PLPPR5: variants seen among roughly 807,000 people sequenced by gnomAD.
PLPPR5 encodes phospholipid phosphatase related 5.
Under a neutral mutation model 33.9 loss-of-function variants are expected in PLPPR5, and 16 were observed. The observed-to-expected ratio is 0.47, with a 90% CI of 0.32 to 0.72. The LOEUF (loss-of-function observed/expected upper bound fraction) is 0.72, where lower values mean the gene tolerates loss of function less well. Ranked by LOEUF, PLPPR5 falls within the 30% of genes least tolerant of loss-of-function variation. PLPPR5 has a pLI of 0.03. For missense variants in PLPPR5, 301 were observed against 406.7 expected, an observed-to-expected ratio of 0.74 and a Z score of 2.23; for synonymous variants, 163 against 150.3, an observed-to-expected ratio of 1.08 and a Z score of -0.62.
chr1:98,998,516 G>A (rs116762691), intron 1 of PLPPR5, among the ~76,000 whole-genome samples: 6 of 152,076 alleles, frequency 3.9e-5, no homozygotes, highest in African/African-American at 9.7e-5. Context: ...CATCATCTAC[G>A]ATAGAACACG....
At chr1:98,960,574 CTTCTGAG>C (rs957124154) in intron 1 of PLPPR5, among the ~76,000 whole-genome samples, 13 of 151,988 alleles carry the variant, frequency 8.6e-5, no homozygotes, top group Admixed American at 8.5e-4. Flanking sequence ...ATGTAAATGC[CTTCTGAG>C]TTAAGGGCAC....
intron 1 of PLPPR5, among the ~76,000 whole-genome samples, chr1:98,985,385 G>T (rs572164909): frequency 6.6e-6 from 1 of 152,150 alleles, no homozygotes; most frequent in African/African-American, 2.4e-5. Context: ...CTACACAGAT[G>T]ACTGCGGTTT....
intron 4 of PLPPR5, among the ~76,000 whole-genome samples, chr1:98,920,119 C>T (rs1649490131): frequency 6.6e-6 from 1 of 152,048 alleles, no homozygotes; most frequent in African/African-American, 2.4e-5. Context: ...GTCTTGAGCT[C>T]AAGGGGGATC....
chr1:98,920,819 A>G (rs1649525131), intron 4 of PLPPR5, among the ~76,000 whole-genome samples: 1 of 152,150 alleles, frequency 6.6e-6, no homozygotes, highest in African/African-American at 2.4e-5. Context: ...ATCAAAATGG[A>G]CATAAAGTAT....
chr1:98,895,162 A>C (rs1648425805), intron 5 of PLPPR5, among the ~76,000 whole-genome samples: 1 of 152,010 alleles, frequency 6.6e-6, no homozygotes. Context: ...GCCTAATGGG[A>C]GGTGATTAGA....
At chr1:98,981,114 C>T (rs560563154) in intron 1 of PLPPR5, among the ~76,000 whole-genome samples, 2 of 152,106 alleles carry the variant, frequency 1.3e-5, no homozygotes, top group South Asian at 4.1e-4. Context: ...TATATTTTTT[C>T]TCTTTAGTTT....
Position 98,921,884 on chromosome 1 carries a change from G to A in PLPPR5, c.796C>T (p.Leu266=), listed in dbSNP as rs1173106936. The change falls in exon 4 of 6, where the codon CTG becomes TTG. Residue 266 remains leucine, a splice_region_variant and synonymous_variant. Transcript: ENST00000263177. ...TATATAAATAAATTTGTACTTACCA[G>A]AAATACTGCTATAGATATTCCAACC... is the stretch of plus-strand genomic sequence containing the variant. ...FLVGISIAVF[L]VVCVVNNFKG... 6.2e-7 allele frequency: 1 copy of A among 1,602,988 alleles called. No individual in the cohort carries two copies. The highest frequency in any genetic ancestry group is 8.5e-7 in the Non-Finnish European group (1 of 1,175,756).
intron 5 of PLPPR5, among the ~76,000 whole-genome samples, chr1:98,896,003 G>C (rs546105633): frequency 7.2e-5 from 11 of 151,928 alleles, no homozygotes; most frequent in African/African-American, 2.4e-4. Context: ...GAAAGAGATG[G>C]ATTATTTATC....
intron 1 of PLPPR5, among the ~76,000 whole-genome samples, chr1:99,001,983 T>C (rs1652868540): frequency 1.3e-5 from 2 of 152,036 alleles, no homozygotes; most frequent in East Asian, 3.9e-4. Flanking sequence ...ATATAAGGTA[T>C]GTAGAAAGTT....
chr1:98,969,195 G>GTCT (rs75156758), intron 1 of PLPPR5, among the ~76,000 whole-genome samples: 28,164 of 151,846 alleles, frequency 0.19, 2,652 homozygotes, highest in East Asian at 0.26. Context: ...AAAAGTAAAA[G>GTCT]TCTTCCTTTC....
chr1:98,978,886 C>G (rs994291495), intron 1 of PLPPR5, among the ~76,000 whole-genome samples: 1 of 152,020 alleles, frequency 6.6e-6, no homozygotes, highest in African/African-American at 2.4e-5. Context: ...CTAAATCTCT[C>G]TCAATGAATT....
chr1:98,895,980 C>G (rs1017370822), intron 5 of PLPPR5, among the ~76,000 whole-genome samples: 2 of 151,248 alleles, frequency 1.3e-5, no homozygotes, highest in African/African-American at 2.4e-5. Context: ...GCTAATGAAC[C>G]TATATCATAA....
Position 99,004,226 on chromosome 1 carries a change from G to C in PLPPR5, c.237+209C>G, listed in dbSNP as rs180698591. 9.2e-6 allele frequency: 5 copies of C among 545,622 alleles called. No homozygotes were observed. The African/African-American group carries it at 9.7e-5, about 11-fold the overall frequency. 33.8% of individuals were successfully genotyped at this position (545,622 alleles called of 1,614,324 possible). A position where few individuals can be genotyped will look rare whatever the true frequency, so the allele number is the denominator to read the frequency against. On this transcript the variant is annotated intron_variant, in intron 1 of 5. Coordinates refer to ENST00000263177, the MANE Select transcript of PLPPR5 (RefSeq NM_001037317.2). ...CAACGCTGAAGCCACCGCGGGGTGT[G>C]GGGGGGTGACGTGTGGGAAGAGCTG...
At chr1:98,972,392 A>G (rs1177585455) in intron 1 of PLPPR5, among the ~76,000 whole-genome samples, 1 of 152,114 alleles carries the variant, frequency 6.6e-6, no homozygotes, top group Non-Finnish European at 1.5e-5. Flanking sequence ...TTAGATGGCT[A>G]TTAAAATCTC....
At chr1:98,905,118 C>G (rs1428816620) in intron 5 of PLPPR5, among the ~76,000 whole-genome samples, 13 of 152,072 alleles carry the variant, frequency 8.5e-5, no homozygotes. Context: ...TCTGAACAAG[C>G]CATTTAGGAA....
chr1:98,902,113 A>G (rs779971984), intron 5 of PLPPR5, among the ~76,000 whole-genome samples: 8 of 152,058 alleles, frequency 5.3e-5, no homozygotes, highest in Non-Finnish European at 8.8e-5. Flanking sequence ...TTCTCCTTAA[A>G]ATGGAAATAA....
At chr1:98,972,909 C>T (rs1054024297) in intron 1 of PLPPR5, among the ~76,000 whole-genome samples, 1 of 152,046 alleles carries the variant, frequency 6.6e-6, no homozygotes, top group Non-Finnish European at 1.5e-5. Context: ...TTTAAAGGGA[C>T]TCACAGAATA....
chr1:98,894,661 T>C (rs947758519), intron 5 of PLPPR5, among the ~76,000 whole-genome samples: 1 of 151,938 alleles, frequency 6.6e-6, no homozygotes, highest in Non-Finnish European at 1.5e-5. Context: ...AGGTAAGAAA[T>C]AACATGGATG....
rs1648914299 is a variant in PLPPR5, at chr1:98,906,718, T to A, written c.933+8068A>T. Among the ~76,000 whole-genome samples the A allele has an allele frequency of 2.0e-5, 3 of 152,282 alleles. No homozygotes were observed. The South Asian group carries it at 6.2e-4, about 32-fold the overall frequency. On this transcript the variant is annotated intron_variant, in intron 5 of 5. Transcript: ENST00000263177. ...AGGGTTCTTTCTCCAGTACTGAAAT[T>A]CAAAAATTTCACTGAGAAACATCTA...
Sources: gnomAD v4.1 joint callset for allele counts (sites outside exome capture counted in the v4.1 genomes callset) on GRCh38, gnomAD v4.1.1 for gene constraint, MANE v1.5 for transcripts, NCBI Gene and HGNC (gene_info 2026-07-23, HGNC 2026-07-21) for gene names.